The following ZNF407 variants were observed in gnomAD, a reference collection of about 807,000 sequenced individuals.
ZNF407 encodes zinc finger protein 407.
In ZNF407, 17 loss-of-function variants were observed where a neutral mutation model predicts 131.2. The ratio of observed to expected loss-of-function variants is 0.13; its 90% CI spans 0.09 to 0.19. The LOEUF is 0.19. ZNF407 is among the 10% of genes least tolerant of loss of function. ZNF407 has a pLI of 1.00. For missense variants in ZNF407, 2,681 were observed against 2,830.6 expected (o/e 0.95, Z 1.20); for synonymous variants, 1,156 against 1,062.0 (o/e 1.09, Z -1.72).
At chr18:74,880,361 G>T (rs1425894922) in intron 5 of ZNF407, among the ~76,000 whole-genome samples, 1 of 152,186 alleles carries the variant, frequency 6.6e-6, no homozygotes, top group Non-Finnish European at 1.5e-5. Context: ...ATCCAGAGCT[G>T]TCATTAAAGA....
chr18:75,024,677 T>C (rs1467328041), intron 8 of ZNF407, among the ~76,000 whole-genome samples: 1 of 152,246 alleles, frequency 6.6e-6, no homozygotes, highest in Non-Finnish European at 1.5e-5. Flanking sequence ...CTGTGGCAGA[T>C]GTTTGCAAAT....
At chr18:74,656,285 CAT>C (rs1209459533) in intron 3 of ZNF407, among the ~76,000 whole-genome samples, 12 of 152,192 alleles carry the variant, frequency 7.9e-5, no homozygotes, top group Admixed American at 2.0e-4. Flanking sequence ...AAGACACTAA[CAT>C]ATTAATGTGA....
At chr18:74,712,279 G>A (rs1967784182) in intron 3 of ZNF407, among the ~76,000 whole-genome samples, 1 of 152,146 alleles carries the variant, frequency 6.6e-6, no homozygotes, top group Non-Finnish European at 1.5e-5. Context: ...AATGGGATTA[G>A]TTTCTTCATT....
intron 4 of ZNF407, among the ~76,000 whole-genome samples, chr18:74,869,976 G>A (rs982161482): frequency 6.6e-6 from 1 of 152,188 alleles, no homozygotes; most frequent in Non-Finnish European, 1.5e-5. Context: ...GGCCAGAGTT[G>A]ATGGTCTCTT....
At position 75,063,591 on chromosome 18, in the gene ZNF407, T is replaced by G; in HGVS notation, c.5870T>G (p.Leu1957Arg). ...SMEGHGMDES[L>R]SPGGAVIQQV... ...GAAGGCCACGGCATGGATGAGTCCC[T>G]CAGTCCAGGTGGCGCTGTGATACAA... The change falls in exon 9 of 9, where the codon CTC (leucine) becomes CGC (arginine). Residue 1957 changes from leucine (L) to arginine (R), a missense_variant. Around this residue, in one of 6 missense-constraint regions of ZNF407, gnomAD observed 620 missense variants for 583.1 expected, o/e 1.06. Coordinates refer to ENST00000299687, the MANE Select transcript of ZNF407 (RefSeq NM_017757.3). The surrounding 1 kb of genome is among the most constrained non-coding windows in gnomAD (Gnocchi z 6.6). 6.4e-7 allele frequency: 1 copy of G among 1,570,256 alleles called. No homozygotes were observed. Among genetic ancestry groups the G allele is most frequent in the Non-Finnish European group, 8.6e-7 (1 of 1,159,412 alleles).
chr18:74,811,643 G>A (rs1452364020), intron 4 of ZNF407, among the ~76,000 whole-genome samples: 1 of 151,706 alleles, frequency 6.6e-6, no homozygotes, highest in East Asian at 1.9e-4. Flanking sequence ...AACAATGATA[G>A]ACTGGATTAA....
intron 4 of ZNF407, among the ~76,000 whole-genome samples, chr18:74,845,499 T>TA (rs143245395): frequency 0.025 from 3,798 of 152,364 alleles, 164 homozygotes; most frequent in African/African-American, 0.083. Flanking sequence ...GAATACTTTT[T>TA]ATTCCCATTT....
chr18:74,721,608 T>A (rs1438602475), intron 3 of ZNF407, among the ~76,000 whole-genome samples: 1 of 152,192 alleles, frequency 6.6e-6, no homozygotes, highest in African/African-American at 2.4e-5. Context: ...TTTTTTATTT[T>A]CAAAATATTT....
At position 74,635,172 on chromosome 18, in the gene ZNF407, A is replaced by G. The variant is rs771142413; in HGVS notation, c.4153A>G (p.Arg1385Gly). 1 of 1,613,908 alleles carries G rather than the reference A, an allele frequency of 6.2e-7. No individual in the cohort carries two copies. Among genetic ancestry groups the G allele is most frequent in the African/African-American group, 1.3e-5 (1 of 74,930 alleles). The change falls in exon 2 of 9, where the codon AGA becomes GGA. Residue 1385 changes from arginine to glycine, a missense_variant. This residue lies in a region of ZNF407 where 1,789 missense variants were observed against 1,748.7 expected (regional missense o/e 1.02). Transcript: ENST00000299687. This position sits in a 1 kb window ranked among gnomAD's most constrained non-coding sequence, Gnocchi z 4.7. ...SEEGLIATGV[R>G]ISELPLKDCA... is the part of the protein sequence containing the mutation. ...AGAGGGCTTGATAGCAACGGGAGTG[A>G]GAATTAGTGAGCTGCCCTTGAAAGA...
At position 74,779,086 on chromosome 18, in the gene ZNF407, G is replaced by GGT. The variant is rs1555687125; in HGVS notation, c.4803-2341_4803-2340insTG. Among the ~76,000 whole-genome samples the GGT allele has an allele frequency of 1.2e-3, 63 of 51,326 alleles. 2 individuals are homozygous for GGT. In the South Asian group the frequency reaches 0.018, roughly 14 times the overall value. The allele number at this position is 51,326 out of a possible 152,430, so 33.7% of individuals were successfully genotyped here. A position where few individuals can be genotyped will look rare whatever the true frequency, so the allele number is the denominator to read the frequency against. On this transcript the variant is annotated intron_variant, in intron 3 of 8. Coordinates refer to ENST00000299687, the MANE Select transcript of ZNF407 (RefSeq NM_017757.3). ...CAGTAATTTAATGCTAGTCATGCTTGGCATATATATATATATATATATATT... is the reference window on the plus strand; with the variant it reads ...CAGTAATTTAATGCTAGTCATGCTTGGTGCATATATATATATATATATATATT...
chr18:74,602,195 T>C (rs1436999076), intron 1 of ZNF407, among the ~76,000 whole-genome samples: 1 of 152,170 alleles, frequency 6.6e-6, no homozygotes, highest in Non-Finnish European at 1.5e-5. Context: ...TTGCAAGAAG[T>C]TGATGGCGGT....
chr18:74,991,571 A>C (rs1163176249), intron 8 of ZNF407, among the ~76,000 whole-genome samples: 2 of 152,232 alleles, frequency 1.3e-5, no homozygotes, highest in Non-Finnish European at 2.9e-5. Context: ...CTTTAAAATC[A>C]ATACCTATTC....
intron 8 of ZNF407, among the ~76,000 whole-genome samples, chr18:74,946,527 C>G (rs532547401): frequency 6.6e-6 from 1 of 152,036 alleles, no homozygotes; most frequent in Non-Finnish European, 1.5e-5. Context: ...ATATTTTGAC[C>G]ACACTTTACA....
At chr18:74,990,221 C>G (rs1018761535) in intron 8 of ZNF407, among the ~76,000 whole-genome samples, 6 of 152,114 alleles carry the variant, frequency 3.9e-5, no homozygotes, top group African/African-American at 1.4e-4. Flanking sequence ...ACGCTCTGTG[C>G]AGATGTCAAT....
intron 1 of ZNF407, among the ~76,000 whole-genome samples, chr18:74,610,181 G>A (rs1035955835): frequency 1.3e-5 from 2 of 152,136 alleles, no homozygotes; most frequent in African/African-American, 2.4e-5. Context: ...AATACTATAC[G>A]TGCATTTTGT....
intron 8 of ZNF407, among the ~76,000 whole-genome samples, chr18:75,034,485 G>A (rs1216712303): frequency 1.3e-5 from 2 of 151,602 alleles, no homozygotes; most frequent in African/African-American, 2.4e-5. Flanking sequence ...TGTATTTTTA[G>A]TGGAGACGGG....
At chr18:74,887,883 A>G (rs1370824067) in intron 6 of ZNF407, among the ~76,000 whole-genome samples, 1 of 152,136 alleles carries the variant, frequency 6.6e-6, no homozygotes, top group Non-Finnish European at 1.5e-5. Context: ...TCATCTAACT[A>G]CTGTGCTGCA....
At chr18:74,965,912 C>T (rs1021071022) in intron 8 of ZNF407, among the ~76,000 whole-genome samples, 1 of 152,130 alleles carries the variant, frequency 6.6e-6, no homozygotes, top group Non-Finnish European at 1.5e-5. Flanking sequence ...GATTGATGAT[C>T]GATGATGTTG....
chr18:74,728,335 G>A (rs1408528978), intron 3 of ZNF407, among the ~76,000 whole-genome samples: 2 of 152,184 alleles, frequency 1.3e-5, no homozygotes, highest in African/African-American at 4.8e-5. Context: ...AGATGAGGGT[G>A]TTAGGTTTGG....
Sources: allele counts gnomAD v4.1 joint callset (sites outside exome capture counted in the v4.1 genomes callset), GRCh38; gene constraint gnomAD v4.1.1; regional missense constraint gnomAD v4.1.1; non-coding constraint Gnocchi (gnomAD v3.1); transcripts MANE v1.5; gene names NCBI Gene and HGNC (gene_info 2026-07-23, HGNC 2026-07-21).